Variants in HSF2BP observed in about 807,000 individuals in gnomAD.
HSF2BP encodes heat shock factor 2-binding protein.
A neutral mutation model predicts 35.0 loss-of-function variants in HSF2BP; 35 were observed. The ratio of observed to expected loss-of-function variants is 1.00; its 90% CI spans 0.76 to 1.32. The LOEUF is 1.32. HSF2BP is among the 40% of genes most tolerant of loss of function. The pLI is 0.00. For synonymous variants in HSF2BP, 114 were observed against 117.4 expected (o/e 0.97, Z 0.18); for missense variants, 326 against 321.7 (o/e 1.01, Z -0.10).
intron 7 of HSF2BP, among the ~76,000 whole-genome samples, chr21:43,604,202 A>G (rs2082085481): frequency 6.6e-6 from 1 of 151,710 alleles, no homozygotes; most frequent in Non-Finnish European, 1.5e-5. Context: ...AGGATTACAC[A>G]CACACACCAC....
At chr21:43,603,648 G>A (rs2082078283) in intron 7 of HSF2BP, among the ~76,000 whole-genome samples, 2 of 152,186 alleles carry the variant, frequency 1.3e-5, no homozygotes, top group South Asian at 2.1e-4. Context: ...ACAGTAAACA[G>A]AATCCAGTCA....
intron 7 of HSF2BP, among the ~76,000 whole-genome samples, chr21:43,609,085 G>A (rs927659689): frequency 4.6e-5 from 7 of 152,236 alleles, no homozygotes; most frequent in African/African-American, 1.4e-4. Flanking sequence ...GGAATACTTC[G>A]CAGCCAGAAA....
intron 7 of HSF2BP, among the ~76,000 whole-genome samples, chr21:43,603,712 C>T (rs1303752595): frequency 6.6e-6 from 1 of 152,154 alleles, no homozygotes. Flanking sequence ...GCTGGTGTGT[C>T]TGGCCACCAT....
At position 43,599,788 on chromosome 21, in the gene HSF2BP, G is replaced by A. The variant is rs1481802859; in HGVS notation, c.693-7460C>T. ...CAGCCTGGGCAATAAAGTGAGACTC[G>A]GTCTCAAAAAAAAAAGGAAGAAAGA... is the stretch of plus-strand genomic sequence containing the variant. On this transcript the variant is annotated intron_variant, in intron 7 of 8. Coordinates refer to ENST00000291560, the MANE Select transcript of HSF2BP (RefSeq NM_007031.2). Among the ~76,000 whole-genome samples, 9 of 149,868 alleles carry A rather than the reference G, an allele frequency of 6.0e-5. No homozygotes were observed. The South Asian group carries it at 8.5e-4, about 14-fold the overall frequency.
At chr21:43,628,529 G>C (rs376110040) in intron 6 of HSF2BP, among the ~76,000 whole-genome samples, 14 of 152,216 alleles carry the variant, frequency 9.2e-5, no homozygotes, top group African/African-American at 3.4e-4. Context: ...TGCTTCATGA[G>C]GTTTAAGGAA....
chr21:43,579,442 G>A (rs562025689), intron 8 of HSF2BP, among the ~76,000 whole-genome samples: 38 of 152,318 alleles, frequency 2.5e-4, no homozygotes, highest in Non-Finnish European at 3.4e-4. Context: ...ATGAACTGCA[G>A]GGGACGGTGA....
chr21:43,617,488 T>C (rs920924139), intron 6 of HSF2BP, among the ~76,000 whole-genome samples: 3 of 150,556 alleles, frequency 2.0e-5, no homozygotes, highest in Admixed American at 6.7e-5. Flanking sequence ...TGATATTTAA[T>C]CTATCTAGAA....
intron 3 of HSF2BP, among the ~76,000 whole-genome samples, chr21:43,655,992 C>A (rs1246684362): frequency 6.6e-6 from 1 of 152,172 alleles, no homozygotes; most frequent in Non-Finnish European, 1.5e-5. Context: ...TTGGCCTTTA[C>A]CGTCAAAGGC....
At chr21:43,605,039 CCACCACACACA>C (rs1261884783) in intron 7 of HSF2BP, among the ~76,000 whole-genome samples, 79 of 133,178 alleles carry the variant, frequency 5.9e-4, no homozygotes, top group African/African-American at 2.2e-3. Context: ...CACCACATAC[CCACCACACACA>C]CACCAGACAC....
At chr21:43,621,047 T>C (rs2082325804) in intron 6 of HSF2BP, among the ~76,000 whole-genome samples, 1 of 152,180 alleles carries the variant, frequency 6.6e-6, no homozygotes, top group Non-Finnish European at 1.5e-5. Context: ...AAACTTAAGA[T>C]ATAAATATCC....
chr21:43,499,138 G>GCCA, the HSF2BP span, among the ~76,000 whole-genome samples: 1 of 46,146 alleles, frequency 2.2e-5, no homozygotes, highest in African/African-American at 8.9e-5. Context: ...ATTCCTGGCG[G>GCCA]CCACATGTTC....
At chr21:43,641,577 C>G (rs1440818199) in intron 4 of HSF2BP, among the ~76,000 whole-genome samples, 3 of 152,160 alleles carry the variant, frequency 2.0e-5, no homozygotes, top group African/African-American at 7.2e-5. Context: ...GGGTTCCATA[C>G]TTTGTTTCTG....
chr21:43,630,208 T>C, intron 6 of HSF2BP, 114 bp downstream of exon 6: 2 of 798,202 alleles, frequency 2.5e-6, no homozygotes, highest in Non-Finnish European at 3.9e-6. Context: ...ATAATTTGTA[T>C]ATGCACTGGG....
intron 8 of HSF2BP, among the ~76,000 whole-genome samples, chr21:43,583,674 C>T (rs1292426350): frequency 3.9e-4 from 51 of 130,286 alleles, no homozygotes; most frequent in Non-Finnish European, 5.6e-4. Context: ...GAGATGAGGA[C>T]CTGCTGAGAG....
intron 6 of HSF2BP, among the ~76,000 whole-genome samples, chr21:43,623,397 G>A (rs182913688): frequency 1.3e-4 from 20 of 151,838 alleles, no homozygotes; most frequent in Admixed American, 9.8e-4. Context: ...GATGCACCAA[G>A]GAAATAGAAA....
intron 7 of HSF2BP, among the ~76,000 whole-genome samples, chr21:43,601,651 T>C (rs1220206281): frequency 6.6e-6 from 1 of 152,162 alleles, no homozygotes; most frequent in East Asian, 1.9e-4. Context: ...CAGAGACCAA[T>C]TCAGTGGCTG....
chr21:43,582,768 C>T (rs2081775016), intron 8 of HSF2BP, among the ~76,000 whole-genome samples: 1 of 18,508 alleles, frequency 5.4e-5, no homozygotes, highest in Non-Finnish European at 8.6e-5. Context: ...GATGAAGGGC[C>T]TGCTGAGGGA....
intron 4 of HSF2BP, among the ~76,000 whole-genome samples, chr21:43,642,931 C>T (rs1490883570): frequency 1.3e-5 from 2 of 151,550 alleles, no homozygotes; most frequent in Non-Finnish European, 2.9e-5. Flanking sequence ...AGGCTGGTCT[C>T]GAACTCCTGA....
chr21:43,653,215 GGGGAAGGGAAGGGAAGGGGAA>G (rs1568945289), intron 3 of HSF2BP, among the ~76,000 whole-genome samples: 2 of 135,904 alleles, frequency 1.5e-5, no homozygotes, highest in South Asian at 2.7e-4. Flanking sequence ...GGGAAGGGAA[GGGGAAGGGAAGGGAAGGGGAA>G]GGGAAGGGGA....
Sources: gnomAD v4.1 joint callset for allele counts (sites outside exome capture counted in the v4.1 genomes callset) on GRCh38, gnomAD v4.1.1 for gene constraint, MANE v1.5 for transcripts, NCBI Gene and HGNC (gene_info 2026-07-23, HGNC 2026-07-21) for gene names.